USP20: variants seen among roughly 807,000 people sequenced by gnomAD.
The protein encoded by USP20 is ubiquitin carboxyl-terminal hydrolase 20.
USP20 carries 80 observed loss-of-function variants against 124.2 expected under a neutral mutation model. The ratio of observed to expected loss-of-function variants is 0.64; its 90% confidence interval spans 0.54 to 0.78. The LOEUF (loss-of-function observed/expected upper bound fraction) is 0.78. Ranked by LOEUF, USP20 falls within the 30% of genes least tolerant of loss-of-function variation. The pLI is 0.00. For synonymous variants in USP20, 481 were observed against 512.3 expected (o/e 0.94, Z 0.83); for missense variants, 1,043 against 1,244.4 (o/e 0.84, Z 2.44).
At chr9:129,848,259 G>A (rs1020453327) in intron 1 of USP20, among the ~76,000 whole-genome samples, 13 of 151,946 alleles carry the variant, frequency 8.6e-5, no homozygotes, top group Non-Finnish European at 1.8e-4. Context: ...TCGCACCATT[G>A]CACTCCAGCC....
chr9:129,841,138 C>A (rs990245540), intron 1 of USP20, among the ~76,000 whole-genome samples: 1 of 152,218 alleles, frequency 6.6e-6, no homozygotes, highest in Non-Finnish European at 1.5e-5. Flanking sequence ...GTACCACAGA[C>A]TGGGTGGCTT....
chr9:129,848,042 A>T (rs1361886708), intron 1 of USP20, among the ~76,000 whole-genome samples: 1 of 152,174 alleles, frequency 6.6e-6, no homozygotes, highest in Non-Finnish European at 1.5e-5. Context: ...TCACGCCTGT[A>T]ATCCCAGCAC....
Position 129,839,716 on chromosome 9 carries a change from C to A in USP20, c.-129+4217C>A, listed in dbSNP as rs2032084971. On this transcript the variant is annotated intron_variant, in intron 1 of 25. Coordinates refer to ENST00000372429, the MANE Select transcript of USP20 (RefSeq NM_001110303.4). The surrounding 1 kb of genome is among the most constrained non-coding windows in gnomAD (Gnocchi z 4.5). ...GTGGGTGGGAGGCCCAGAAGTGTCG[C>A]CCTCCCCATCCTGAGGGACTGGTTC... 6.6e-6 allele frequency among the ~76,000 whole-genome samples: 1 copy of A among 151,992 alleles called. No individual in the cohort carries two copies. Among genetic ancestry groups the A allele is most frequent in the East Asian group, 1.9e-4 (1 of 5,184 alleles).
chr9:129,862,426 A>G (rs1400786616), intron 8 of USP20, among the ~76,000 whole-genome samples: 1 of 152,038 alleles, frequency 6.6e-6, no homozygotes, highest in East Asian at 1.9e-4. Flanking sequence ...GGTGGCACGC[A>G]CCTGTAGTCC....
chr9:129,875,218 G>T, intron 19 of USP20, 92 bp from the exon 20 acceptor site: 2 of 1,382,980 alleles, frequency 1.4e-6, no homozygotes, highest in South Asian at 1.4e-5. Context: ...GGACAGGGCC[G>T]GTAGCCCGAG....
intron 1 of USP20, 41 bp from the exon 2 acceptor site, chr9:129,849,772 T>C (rs142657779): frequency 0.016 from 2,511 of 152,402 alleles, 28 homozygotes; most frequent in South Asian, 0.025. Flanking sequence ...TTAAAAGTAA[T>C]AATAACAGAA....
chr9:129,879,941 G>A lies in USP20; in HGVS notation c.2585-172G>A, dbSNP rs769590675. On this transcript the variant is annotated intron_variant, in intron 24 of 25. Transcript: ENST00000372429. The surrounding 1 kb of genome is among the most constrained non-coding windows in gnomAD (Gnocchi z 4.2). ...AGATGTGTTATCCGGGGCCCTTAGC[G>A]GGATGGACATTCCTCTGGGAAATCC... Among the ~76,000 whole-genome samples, 1 of 152,122 alleles carries A rather than the reference G, an allele frequency of 6.6e-6. No individual in the cohort carries two copies. Among genetic ancestry groups the A allele is most frequent in the Non-Finnish European group, 1.5e-5 (1 of 68,020 alleles).
intron 2 of USP20, among the ~76,000 whole-genome samples, chr9:129,850,812 G>A (rs1329623993): frequency 2.6e-5 from 4 of 151,978 alleles, no homozygotes; most frequent in African/African-American, 9.7e-5. Context: ...TGTGCATCAT[G>A]CCCGGCTAAT....
chr9:129,874,424 C>G (rs920394270), intron 17 of USP20, 152 bp from the exon 18 acceptor site: 5 of 978,928 alleles, frequency 5.1e-6, no homozygotes, highest in Non-Finnish European at 7.5e-6. Context: ...TGACTTAGAG[C>G]GAGCCCAGTC....
At chr9:129,858,221 T>C in intron 5 of USP20, 109 bp downstream of exon 5, 1 of 1,280,058 alleles carries the variant, frequency 7.8e-7, no homozygotes, top group Non-Finnish European at 1.1e-6. Flanking sequence ...ATAAATGGTG[T>C]CATCCTAGCA....
chr9:129,861,077 G>A (rs1171126750), intron 7 of USP20, 44 bp downstream of exon 7: 2 of 1,582,864 alleles, frequency 1.3e-6, no homozygotes, highest in Non-Finnish European at 1.7e-6. Flanking sequence ...CTGGGCTGGG[G>A]GCCCTCATCT....
At chr9:129,848,855 G>T (rs1441075397) in intron 1 of USP20, among the ~76,000 whole-genome samples, 1 of 152,218 alleles carries the variant, frequency 6.6e-6, no homozygotes, top group African/African-American at 2.4e-5. Context: ...AAGTGAGGAG[G>T]TTTGGAATTT....
At chr9:129,877,408 A>C (rs940061277) in intron 22 of USP20, among the ~76,000 whole-genome samples, 3 of 152,116 alleles carry the variant, frequency 2.0e-5, no homozygotes, top group African/African-American at 7.2e-5. Flanking sequence ...AGTCCCCGCT[A>C]CCTGGAGGGC....
intron 1 of USP20, among the ~76,000 whole-genome samples, chr9:129,845,517 A>G (rs897368494): frequency 2.0e-5 from 3 of 152,084 alleles, no homozygotes; most frequent in Non-Finnish European, 4.4e-5. Flanking sequence ...GAGGAAAAGC[A>G]TTTTTTGTTG....
intron 1 of USP20, among the ~76,000 whole-genome samples, chr9:129,847,829 TCATC>T (rs1172510091): frequency 6.6e-6 from 1 of 152,048 alleles, no homozygotes; most frequent in Non-Finnish European, 1.5e-5. Flanking sequence ...GTTTCTATCA[TCATC>T]AGTTTTGTCT....
At chr9:129,858,208 G>C in intron 5 of USP20, 96 bp downstream of exon 5, 1 of 1,352,850 alleles carries the variant, frequency 7.4e-7, no homozygotes, top group African/African-American at 1.4e-5. Flanking sequence ...AATGGCTGGG[G>C]CAATAAATGG....
chr9:129,875,166 C>T, intron 19 of USP20, 144 bp from the exon 20 acceptor site: 1 of 1,228,490 alleles, frequency 8.1e-7, no homozygotes, highest in Non-Finnish European at 1.1e-6. Flanking sequence ...GCACAGGGGG[C>T]TGCTCACATG....
At chr9:129,857,939 G>A in intron 4 of USP20, 111 bp from the exon 5 acceptor site, 1 of 920,460 alleles carries the variant, frequency 1.1e-6, no homozygotes, top group Middle Eastern at 2.2e-4. Flanking sequence ...GTCCCTTGTG[G>A]CCCCTATTCA....
At chr9:129,873,430 T>C in intron 15 of USP20, 52 bp from the exon 16 acceptor site, 1 of 1,606,892 alleles carries the variant, frequency 6.2e-7, no homozygotes, top group Non-Finnish European at 8.5e-7. Context: ...TTTTTTTTGC[T>C]CCCTCATTTT....
Sources: gnomAD v4.1 joint callset for allele counts (sites outside exome capture counted in the v4.1 genomes callset) on GRCh38, gnomAD v4.1.1 for gene constraint, Gnocchi (gnomAD v3.1) non-coding constraint, MANE v1.5 for transcripts, NCBI Gene and HGNC (gene_info 2026-07-23, HGNC 2026-07-21) for gene names.